Variants in RASGRF1 observed in about 807,000 individuals in gnomAD.
RASGRF1 encodes ras-specific guanine nucleotide-releasing factor 1.
In RASGRF1, 40 loss-of-function variants were observed where a neutral mutation model predicts 138.7. The ratio of observed to expected loss-of-function variants is 0.29; its 90% CI spans 0.22 to 0.38. RASGRF1 has a LOEUF of 0.38. Among genes scored for constraint, RASGRF1 ranks in the 10% least tolerant of loss-of-function variants. The pLI, the probability that RASGRF1 is intolerant of heterozygous loss-of-function variation, is 1.00. For missense variants in RASGRF1, 1,108 were observed against 1,650.4 expected (o/e 0.67, Z 5.69); for synonymous variants, 614 against 663.2 (o/e 0.93, Z 1.14).
At chr15:79,083,401 G>A (rs557109800) in intron 1 of RASGRF1, among the ~76,000 whole-genome samples, 1 of 152,190 alleles carries the variant, frequency 6.6e-6, no homozygotes, top group South Asian at 2.1e-4. Flanking sequence ...TTGGCTGCAC[G>A]CACACGGGCA....
At chr15:79,001,976 C>T (rs1257917994) in intron 15 of RASGRF1, among the ~76,000 whole-genome samples, 189 bp from the exon 16 acceptor site, 1 of 152,160 alleles carries the variant, frequency 6.6e-6, no homozygotes, top group Non-Finnish European at 1.5e-5. Flanking sequence ...TGCTAATGAG[C>T]ACTGTCGATC....
Position 79,004,137 on chromosome 15 carries a change from T to C in RASGRF1, c.2114A>G (p.Lys705Arg). The C allele has an allele frequency of 6.2e-7, 1 of 1,605,838 alleles. No homozygotes were observed. Among genetic ancestry groups the C allele is most frequent in the Non-Finnish European group, 8.5e-7 (1 of 1,174,664 alleles). ...ELLFASGQNN[K>R]LLYGEPPKSP... ...CTTGGGGGGTTCACCGTACAGGAGC[T>C]TATTGTTCTGGCCACTGGCAAACAG... The change falls in exon 15 of 27, where the codon AAG becomes AGG. Residue 705 changes from lysine (K) to arginine (R), a missense_variant. Coordinates refer to ENST00000558480, the MANE Select transcript of RASGRF1 (RefSeq NM_001145648.3).
intron 16 of RASGRF1, among the ~76,000 whole-genome samples, chr15:79,001,404 T>C (rs1294946344): frequency 1.3e-5 from 2 of 151,792 alleles, no homozygotes; most frequent in Non-Finnish European, 2.9e-5. Context: ...GGCAGTCTTG[T>C]CTGAAGTTGG....
In RASGRF1 at chr15:79,006,575, A is replaced by G; in HGVS notation, c.1827-141T>C. 1 of 1,048,732 alleles carries G rather than the reference A, an allele frequency of 9.5e-7. No homozygotes were observed. Among genetic ancestry groups the G allele is most frequent in the South Asian group, 1.8e-5 (1 of 56,622 alleles). 65.0% of individuals were successfully genotyped at this position (1,048,732 alleles called of 1,614,324 possible). A position where few individuals can be genotyped will look rare whatever the true frequency, so the allele number is the denominator to read the frequency against. On this transcript the variant is annotated intron_variant, in intron 13 of 26. Coordinates refer to ENST00000558480, the MANE Select transcript of RASGRF1 (RefSeq NM_001145648.3). This position sits in a 1 kb window ranked among gnomAD's most constrained non-coding sequence, Gnocchi z 4.0. ...TAAGAGAACAAGCTTGGGAAGGATG[A>G]CACTGAAGGAGGGCTACAACTTCTT...
intron 5 of RASGRF1, among the ~76,000 whole-genome samples, chr15:79,037,077 T>A (rs765586906): frequency 2.6e-5 from 4 of 152,144 alleles, no homozygotes; most frequent in Non-Finnish European, 5.9e-5. Flanking sequence ...GTAAGGCTGG[T>A]TTCTGTCTGG....
In RASGRF1 at chr15:79,020,054, G is replaced by A. The variant is rs1288967471; in HGVS notation, c.1593C>T (p.Ser531=). Residue 531 remains serine, a synonymous_variant, in exon 11 of 27, where the codon AGC becomes AGT. Transcript: ENST00000558480. ...IDCTLLEEPE[S]TEEEAKGSGQ... is the part of the protein sequence containing the mutation. ...TTTCACACTCACCTTCCTCCTCCGT[G>A]CTTTCTGGCTCCTCCAATAAAGTGC... is the stretch of plus-strand genomic sequence containing the variant. 6.2e-7 allele frequency: 1 copy of A among 1,614,036 alleles called. No individual in the cohort carries two copies. The highest frequency in any genetic ancestry group is 1.7e-5 in the Admixed American group (1 of 60,022).
chr15:79,009,787 C>T (rs570198070), intron 13 of RASGRF1, among the ~76,000 whole-genome samples: 62 of 151,576 alleles, frequency 4.1e-4, no homozygotes, highest in African/African-American at 1.4e-3. Flanking sequence ...TGCAGTGGTG[C>T]GATCTTGGCT....
In RASGRF1 at chr15:78,998,819, G is replaced by A; in HGVS notation, c.2753C>T (p.Pro918Leu). 1 of 1,613,110 alleles carries A rather than the reference G, an allele frequency of 6.2e-7. No individual in the cohort carries two copies. Among genetic ancestry groups the A allele is most frequent in the Non-Finnish European group, 8.5e-7 (1 of 1,179,082 alleles). Residue 918 changes from proline (P) to leucine (L), a missense_variant, in exon 18 of 27, where the codon CCC becomes CTC. This residue lies in a region of RASGRF1 where 686 missense variants were observed against 976.7 expected (regional missense o/e 0.70). Coordinates refer to ENST00000558480, the MANE Select transcript of RASGRF1 (RefSeq NM_001145648.3). ...RRMSLASAGFPPDQRNGDKEF... is the reference protein window; with the variant it reads ...RRMSLASAGFLPDQRNGDKEF... ...CTTGTCTCCATTCCTCTGGTCTGGGGGAAACCCTGGCAGCATGCGTGGCAG... is the reference window on the plus strand; with the variant it reads ...CTTGTCTCCATTCCTCTGGTCTGGGAGAAACCCTGGCAGCATGCGTGGCAG...
rs761499957 is a variant in RASGRF1 at position 79,020,140 on chromosome 15, G to C, written c.1543-36C>G. Reference sequence around the variant, plus strand: ...GCAGCAGGGGCTGCTTTGGATTGAGGGGTAGATATGCTGGTTTAGGAGTCC... The same window carrying C: ...GCAGCAGGGGCTGCTTTGGATTGAGCGGTAGATATGCTGGTTTAGGAGTCC... On this transcript the variant is annotated intron_variant, in intron 10 of 26. Coordinates refer to ENST00000558480, the MANE Select transcript of RASGRF1 (RefSeq NM_001145648.3). 6 of 1,602,554 alleles carry C rather than the reference G, an allele frequency of 3.7e-6. No homozygotes were observed. In the South Asian group the frequency reaches 6.6e-5, roughly 18 times the overall value.
intron 12 of RASGRF1, among the ~76,000 whole-genome samples, chr15:79,017,560 T>A (rs1422627118): frequency 6.6e-6 from 1 of 152,176 alleles, no homozygotes; most frequent in Admixed American, 6.5e-5. Context: ...CAGACCACAC[T>A]TTCAAGGTGA....
intron 2 of RASGRF1, 81 bp downstream of exon 2, chr15:79,064,338 CT>C: frequency 7.4e-7 from 1 of 1,346,344 alleles, no homozygotes; most frequent in Non-Finnish European, 1.0e-6. Context: ...TGGGGCTTGG[CT>C]TTGTTCAAAG....
Position 79,031,395 on chromosome 15 carries a change from C to A in RASGRF1, c.1262+5G>T. The A allele has an allele frequency of 6.3e-7, 1 of 1,593,154 alleles. No homozygotes were observed. Among genetic ancestry groups the A allele is most frequent in the Non-Finnish European group, 8.6e-7 (1 of 1,165,880 alleles). ...GGTCTGGTGCACTGAAGAGCCAGGC[C>A]TCACCTGGACAGCTCCTCCAGTTTG... On this transcript the variant is annotated splice_donor_5th_base_variant and intron_variant, in intron 8 of 26. Coordinates refer to ENST00000558480, the MANE Select transcript of RASGRF1 (RefSeq NM_001145648.3).
rs746552737 is a variant in RASGRF1, at chr15:79,006,092, C to CAGCT, written c.2075+93_2075+94insAGCT. 68 of 1,542,922 alleles carry CAGCT rather than the reference C, an allele frequency of 4.4e-5. No homozygotes were observed. The highest frequency in any genetic ancestry group is 5.7e-5 in the Non-Finnish European group (65 of 1,132,600). ...CACGTTACTGCTGCTCCTCCAGGGACCTTCCAGGTCACCCCCCGGCCCCGT... is the reference window on the plus strand; with the variant it reads ...CACGTTACTGCTGCTCCTCCAGGGACAGCTCTTCCAGGTCACCCCCCGGCCCCGT... On this transcript the variant is annotated intron_variant, in intron 14 of 26. Transcript: ENST00000558480. This position sits in a 1 kb window ranked among gnomAD's most constrained non-coding sequence, Gnocchi z 4.0.
At chr15:78,966,252 A>C (rs2055642676) in intron 26 of RASGRF1, among the ~76,000 whole-genome samples, 1 of 124,866 alleles carries the variant, frequency 8.0e-6, no homozygotes, top group African/African-American at 2.9e-5. Context: ...TTTTTTTTTA[A>C]CAGAGTCAGG....
intron 24 of RASGRF1, among the ~76,000 whole-genome samples, chr15:78,975,927 G>A (rs770823333): frequency 1.3e-5 from 2 of 152,222 alleles, no homozygotes; most frequent in Non-Finnish European, 2.9e-5. Context: ...TCGTAAGGCT[G>A]TGGCAGTGCT....
chr15:78,989,852 GA>G (rs368074053), intron 22 of RASGRF1, among the ~76,000 whole-genome samples: 9 of 152,266 alleles, frequency 5.9e-5, no homozygotes, highest in African/African-American at 2.2e-4. Context: ...CTTTGCCACA[GA>G]CTCCGCAAAA....
At position 78,962,024 on chromosome 15, in the gene RASGRF1, C is replaced by T. The variant is rs746059580; in HGVS notation, c.*120G>A. The T allele has an allele frequency of 4.3e-4, 292 of 672,982 alleles. No individual in the cohort carries two copies. Among genetic ancestry groups the T allele is most frequent in the Non-Finnish European group, 6.2e-4 (240 of 386,340 alleles). The allele number at this position is 672,982 out of a possible 1,614,324, so 41.7% of individuals were successfully genotyped here. A position where few individuals can be genotyped will look rare whatever the true frequency, so the allele number is the denominator to read the frequency against. ...TTCTACAGGAATCTAAGAACAAGGA[C>T]GATTTGTATTCTTGGAGAAGCACAT... On this transcript the variant is annotated 3_prime_UTR_variant, in exon 27 of 27. Transcript: ENST00000558480.
At chr15:79,012,422 C>T (rs2056813779) in intron 13 of RASGRF1, 1 of 1,204,340 alleles carries the variant, frequency 8.3e-7, no homozygotes, top group East Asian at 2.5e-5. Context: ...ACACTGCTTT[C>T]TAATAATCTC....
At chr15:78,982,221 G>A (rs2141627954) in intron 23 of RASGRF1, among the ~76,000 whole-genome samples, 2 of 152,308 alleles carry the variant, frequency 1.3e-5, no homozygotes, top group East Asian at 3.9e-4. Flanking sequence ...TGATCAGGAG[G>A]TCCCAGTGGC....
Sources: allele counts gnomAD v4.1 joint callset (sites outside exome capture counted in the v4.1 genomes callset), GRCh38; gene constraint gnomAD v4.1.1; regional missense constraint gnomAD v4.1.1; non-coding constraint Gnocchi (gnomAD v3.1); transcripts MANE v1.5; gene names NCBI Gene and HGNC (gene_info 2026-07-23, HGNC 2026-07-21).